The following BNIP3 variants were observed in gnomAD, a reference collection of about 807,000 sequenced individuals.
BNIP3 encodes the protein BCL2/adenovirus E1B 19 kDa protein-interacting protein 3.
BNIP3 carries 16 observed loss-of-function variants against 23.9 expected under a neutral mutation model. The ratio of observed to expected loss-of-function variants is 0.67; its 90% CI spans 0.45 to 1.01. BNIP3 has a LOEUF of 1.01. BNIP3 is among the 50% of genes least tolerant of loss of function. The pLI is 0.00. For synonymous variants in BNIP3, 81 were observed against 89.3 expected, an observed-to-expected ratio of 0.91 and a Z score of 0.53; for missense variants, 198 against 248.7, an observed-to-expected ratio of 0.80 and a Z score of 1.37.
At chr10:131,977,921 T>C (rs2133695455) in intron 1 of BNIP3, among the ~76,000 whole-genome samples, 1 of 152,342 alleles carries the variant, frequency 6.6e-6, no homozygotes, top group African/African-American at 2.4e-5. Context: ...AGGCACTTCC[T>C]GGAGAATGGA....
chr10:131,973,065 G>T lies in BNIP3; in HGVS notation c.251C>A (p.Thr84Asn), dbSNP rs751428347. The change falls in exon 3 of 6, where the codon ACC becomes AAC. Residue 84 changes from threonine (T) to asparagine (N), a missense_variant. Physicochemically the swap from Thr to Asn is moderately conservative, Grantham distance 65. Transcript: ENST00000368636. ...QDTNRASETD[T>N]HSIGEKNSSQ... ...GCTGTTTTTCTCTCCAATGCTATGG[G>T]TATCTGTTTCAGAAGCTCTGTTGGT... is the stretch of plus-strand genomic sequence containing the variant. 6.2e-7 allele frequency: 1 copy of T among 1,613,802 alleles called. No homozygotes were observed. Among genetic ancestry groups the T allele is most frequent in the South Asian group, 1.1e-5 (1 of 91,082 alleles).
chr10:131,981,828 C>T lies in BNIP3; in HGVS notation c.-22G>A. 6.9e-7 allele frequency: 1 copy of T among 1,445,896 alleles called. No homozygotes were observed. The highest frequency in any genetic ancestry group is 9.0e-7 in the Non-Finnish European group (1 of 1,105,698). 89.6% of individuals were successfully genotyped at this position (1,445,896 alleles called of 1,614,324 possible). A position where few individuals can be genotyped will look rare whatever the true frequency, so the allele number is the denominator to read the frequency against. ...ACATGGCGCCAGAGGGCAACTGCGGCGATCGGAGTCCGCGCCGGGCTGCGG... is the reference window on the plus strand; with the variant it reads ...ACATGGCGCCAGAGGGCAACTGCGGTGATCGGAGTCCGCGCCGGGCTGCGG... On this transcript the variant is annotated 5_prime_UTR_variant, in exon 1 of 6. Transcript: ENST00000368636.
chr10:131,976,851 G>A lies in BNIP3; in HGVS notation c.47-2908C>T, dbSNP rs918495714. The stretch of plus-strand genomic sequence containing the variant: ...GCTCCTTACAACTTACACCAAAAAT[G>A]GTTAACCAAGGAGCACTTTTGGAGT... On this transcript the variant is annotated intron_variant, in intron 1 of 5. Coordinates refer to ENST00000368636, the MANE Select transcript of BNIP3 (RefSeq NM_004052.4). This position sits in a 1 kb window ranked among gnomAD's most constrained non-coding sequence, Gnocchi z 4.3. Among the ~76,000 whole-genome samples, 1 of 152,164 alleles carries A rather than the reference G, an allele frequency of 6.6e-6. No individual in the cohort carries two copies. Among genetic ancestry groups the A allele is most frequent in the African/African-American group, 2.4e-5 (1 of 41,440 alleles).
At chr10:131,980,855 C>T (rs2037113655) in intron 1 of BNIP3, 1 of 152,204 alleles carries the variant, frequency 6.6e-6, no homozygotes, top group Admixed American at 6.5e-5. Context: ...AGGTCAGCTG[C>T]CACCAGGTCC....
In BNIP3 at chr10:131,976,692, C is replaced by T. The variant is rs2037080023; in HGVS notation, c.47-2749G>A. 6.6e-6 allele frequency among the ~76,000 whole-genome samples: 1 copy of T among 152,070 alleles called. No individual in the cohort carries two copies. The highest frequency in any genetic ancestry group is 2.4e-5 in the African/African-American group (1 of 41,378). ...CAACCCTAACCCCAACCATGCTACC[C>T]GCACCTCATGGCTCCCCCATCTCCA... On this transcript the variant is annotated intron_variant, in intron 1 of 5. Coordinates refer to ENST00000368636, the MANE Select transcript of BNIP3 (RefSeq NM_004052.4). The surrounding 1 kb of genome is among the most constrained non-coding windows in gnomAD (Gnocchi z 4.3).
chr10:131,971,191 G>C (rs1400122983), intron 3 of BNIP3: 2 of 561,134 alleles, frequency 3.6e-6, no homozygotes, highest in African/African-American at 1.9e-5. Flanking sequence ...TCCAGGGACA[G>C]ATCACCTCTG....
chr10:131,979,012 C>A (rs183511047), intron 1 of BNIP3, among the ~76,000 whole-genome samples: 3 of 152,306 alleles, frequency 2.0e-5, no homozygotes, highest in Middle Eastern at 3.4e-3. Context: ...TGGCTTCCAA[C>A]GGGGCTCGTT....
intron 1 of BNIP3, among the ~76,000 whole-genome samples, chr10:131,974,220 A>T (rs1224177247): frequency 1.3e-5 from 2 of 152,252 alleles, no homozygotes; most frequent in Non-Finnish European, 2.9e-5. Context: ...GCCAATGTCC[A>T]ATAACTCTGC....
chr10:131,973,631 G>T, intron 2 of BNIP3, 162 bp downstream of exon 2: 1 of 900,966 alleles, frequency 1.1e-6, no homozygotes, highest in Non-Finnish European at 1.7e-6. Context: ...AGAGGGCGAG[G>T]CTCCTATATA....
At position 131,973,913 on chromosome 10, in the gene BNIP3, T is replaced by C. The variant is rs774328645; in HGVS notation, c.77A>G (p.Asn26Ser). Residue 26 changes from asparagine (N) to serine (S), a missense_variant, in exon 2 of 6, where the codon AAT becomes AGT. Transcript: ENST00000368636. ...GGCTGGAACGCTGCCCCCGTTCCCA[T>C]TATTGCTGAAGTGCAGTTCTACCCA... ...GSWVELHFSN[N>S]GNGGSVPASV... 1.2e-6 allele frequency: 2 copies of C among 1,613,896 alleles called. No homozygotes were observed. The highest frequency in any genetic ancestry group is 1.7e-6 in the Non-Finnish European group (2 of 1,180,028).
intron 3 of BNIP3, 152 bp downstream of exon 3, chr10:131,972,882 G>T: frequency 2.8e-6 from 2 of 707,466 alleles, no homozygotes; most frequent in Non-Finnish European, 4.5e-6. Context: ...ACAGTTTCTT[G>T]GTTTTTTTGT....
chr10:131,969,609 C>T (rs187224448), intron 5 of BNIP3: 1 of 152,380 alleles, frequency 6.6e-6, no homozygotes, highest in Non-Finnish European at 1.5e-5. Context: ...GCTTTTATCC[C>T]GTTTCCTTCA....
In BNIP3 at chr10:131,970,673, A is replaced by AGAT. The variant is rs2037022688; in HGVS notation, c.501_503dup (p.Ser168dup). Reference sequence around the variant, plus strand: ...TGGCCAGCAAATGAGAGAGCAGCAGAGATGGAAGGAAAACTTTCAGAAATT... The same window carrying AGAT: ...TGGCCAGCAAATGAGAGAGCAGCAGAGATGATGGAAGGAAAACTTTCAGAAATT... On this transcript the variant is annotated inframe_insertion, in exon 5 of 6. Coordinates refer to ENST00000368636, the MANE Select transcript of BNIP3 (RefSeq NM_004052.4). This position sits in a 1 kb window ranked among gnomAD's most constrained non-coding sequence, Gnocchi z 4.1. 1 of 1,614,088 alleles carries AGAT rather than the reference A, an allele frequency of 6.2e-7. No homozygotes were observed. The highest frequency in any genetic ancestry group is 8.5e-7 in the Non-Finnish European group (1 of 1,180,040).
In BNIP3 at chr10:131,981,891, C is replaced by A. The variant is rs925180732; in HGVS notation, c.-85G>T. The A allele has an allele frequency of 3.7e-6, 5 of 1,350,674 alleles. No homozygotes were observed. Among genetic ancestry groups the A allele is most frequent in the Non-Finnish European group, 4.7e-6 (5 of 1,052,648 alleles). The allele number at this position is 1,350,674 out of a possible 1,614,324, so 83.7% of individuals were successfully genotyped here. A position where few individuals can be genotyped will look rare whatever the true frequency, so the allele number is the denominator to read the frequency against. ...CTGCGGGCGGTGGGAAAGCGGAGGT[C>A]GGAGCGCCGCGGCCCAGCTGCGCTC... On this transcript the variant is annotated 5_prime_UTR_variant, in exon 1 of 6. Transcript: ENST00000368636.
Position 131,973,879 on chromosome 10 carries a change from A to G in BNIP3, c.111T>C (p.Ser37=), listed in dbSNP as rs780706538. The change falls in exon 2 of 6, where the codon TCT becomes TCC. Residue 37 remains serine, a synonymous_variant. Coordinates refer to ENST00000368636, the MANE Select transcript of BNIP3 (RefSeq NM_004052.4). The part of the protein sequence containing the change: ...GNGGSVPASV[S]IYNGDMEKIL... ...TTTTTTCCATGTCTCCATTATAAAT[A>G]GAAACCGAGGCTGGAACGCTGCCCC... The G allele has an allele frequency of 1.9e-6, 3 of 1,613,338 alleles. No homozygotes were observed. The highest frequency in any genetic ancestry group is 2.5e-6 in the Non-Finnish European group (3 of 1,180,050).
rs1216229906 is a variant in BNIP3, at chr10:131,973,764, A to AAC, written c.197+27_197+28dup. 9 of 1,610,200 alleles carry AAC rather than the reference A, an allele frequency of 5.6e-6. No homozygotes were observed. In the Admixed American group the frequency reaches 1.2e-4, roughly 21 times the overall value. On this transcript the variant is annotated intron_variant, in intron 2 of 5. Coordinates refer to ENST00000368636, the MANE Select transcript of BNIP3 (RefSeq NM_004052.4). ...CACCCACTGAAGACATCGGCACTGT[A>AAC]ACACATACACTTGTTGATGCGCGCC... is the stretch of plus-strand genomic sequence containing the variant.
intron 1 of BNIP3, among the ~76,000 whole-genome samples, chr10:131,979,366 G>C (rs530370627): frequency 6.6e-6 from 1 of 151,888 alleles, no homozygotes; most frequent in Middle Eastern, 3.4e-3. Flanking sequence ...CCTCTGACAA[G>C]AGAGAGAACC....
rs759094557 is a variant in BNIP3 at position 131,973,012 on chromosome 10, G to A, written c.282+22C>T. The A allele has an allele frequency of 1.9e-5, 31 of 1,597,124 alleles. No individual in the cohort carries two copies. The Admixed American group carries it at 5.2e-4, about 27-fold the overall frequency. ...ACAGATCACAAATACTTTTACAACT[G>A]CACATTCTCCTTCCAGCTTACCTGT... On this transcript the variant is annotated intron_variant, in intron 3 of 5. Transcript: ENST00000368636.
At chr10:131,971,353 C>A in intron 3 of BNIP3, 1 of 247,178 alleles carries the variant, frequency 4.0e-6, no homozygotes, top group Non-Finnish European at 7.9e-6. Flanking sequence ...ATGAAAACAG[C>A]CGAAAACGGC....
Sources: allele counts gnomAD v4.1 joint callset (sites outside exome capture counted in the v4.1 genomes callset), GRCh38; gene constraint gnomAD v4.1.1; non-coding constraint Gnocchi (gnomAD v3.1); transcripts MANE v1.5; gene names NCBI Gene and HGNC (gene_info 2026-07-23, HGNC 2026-07-21).